The following SORCS3 variants were observed in gnomAD, a reference collection of about 807,000 sequenced individuals.
SORCS3 encodes the protein sortilin related VPS10 domain containing receptor 3, also known as VPS10 domain-containing receptor SorCS3.
In SORCS3, 57 loss-of-function variants were observed where a neutral mutation model predicts 146.3. The observed-to-expected ratio is 0.39, with a 90% CI of 0.31 to 0.49. The LOEUF (loss-of-function observed/expected upper bound fraction) is 0.49. Ranked by LOEUF, SORCS3 falls within the 20% of genes least tolerant of loss-of-function variation. The pLI is 0.92. For synonymous variants in SORCS3, 653 were observed against 618.5 expected, an observed-to-expected ratio of 1.06 and a Z score of -0.83; for missense variants, 1,341 against 1,575.5, an observed-to-expected ratio of 0.85 and a Z score of 2.52.
chr10:104,696,641 TAA>T (rs1249804391), intron 1 of SORCS3, among the ~76,000 whole-genome samples: 1 of 57,570 alleles, frequency 1.7e-5, no homozygotes, highest in African/African-American at 6.3e-5. Flanking sequence ...ATATTATATA[TAA>T]TATATATTAT....
At chr10:104,642,094 C>T in intron 1 of SORCS3, 140 bp downstream of exon 1, 1 of 1,016,578 alleles carries the variant, frequency 9.8e-7, no homozygotes, top group Non-Finnish European at 1.4e-6. Flanking sequence ...CAGGTTTGTC[C>T]GATTCCCCCC....
intron 1 of SORCS3, among the ~76,000 whole-genome samples, chr10:104,817,394 C>A (rs1589510212): frequency 1.0e-5 from 1 of 99,992 alleles, no homozygotes; most frequent in South Asian, 5.6e-4. Context: ...TCCTCCTCCT[C>A]CTTCCCCCTC....
chr10:104,813,682 G>A (rs924730928), intron 1 of SORCS3, among the ~76,000 whole-genome samples: 3 of 152,072 alleles, frequency 2.0e-5, no homozygotes, highest in Non-Finnish European at 4.4e-5. Context: ...AGCTGATGGC[G>A]CCAAATGAGA....
chr10:104,780,632 G>T (rs1030704098), intron 1 of SORCS3, among the ~76,000 whole-genome samples: 1 of 152,220 alleles, frequency 6.6e-6, no homozygotes, highest in African/African-American at 2.4e-5. Flanking sequence ...AGCTGCTGAG[G>T]TATGAAACCA....
At chr10:105,127,759 CAAAA>C (rs2055986542) in intron 7 of SORCS3, among the ~76,000 whole-genome samples, 1 of 151,978 alleles carries the variant, frequency 6.6e-6, no homozygotes, top group Non-Finnish European at 1.5e-5. Flanking sequence ...AAGCAAGCCA[CAAAA>C]AAAGAGCCCT....
chr10:104,804,402 A>AG (rs2017659037), intron 1 of SORCS3, among the ~76,000 whole-genome samples: 1 of 152,196 alleles, frequency 6.6e-6, no homozygotes. Flanking sequence ...GCTTCATAGG[A>AG]GGGGCCCAAA....
intron 3 of SORCS3, among the ~76,000 whole-genome samples, chr10:104,975,491 T>C (rs11816193): frequency 5.2e-4 from 79 of 152,238 alleles, no homozygotes; most frequent in African/African-American, 1.8e-3. Context: ...CTGCCCAAGG[T>C]AATTTATAGA....
At chr10:105,234,834 G>A (rs1014769892) in intron 20 of SORCS3, among the ~76,000 whole-genome samples, 11 of 151,712 alleles carry the variant, frequency 7.3e-5, no homozygotes, top group Non-Finnish European at 1.5e-4. Context: ...TTCTGCACTG[G>A]TCATTGCAAC....
intron 1 of SORCS3, among the ~76,000 whole-genome samples, chr10:104,818,360 T>TCTTTCTTCCTTCCTTCCTTC: frequency 7.2e-6 from 1 of 139,832 alleles, no homozygotes; most frequent in Middle Eastern, 3.7e-3. Context: ...TCTTCTCCTT[T>TCTTTCTTCCTTCCTTCCTTC]CTTCCTTCCT....
intron 6 of SORCS3, among the ~76,000 whole-genome samples, chr10:105,101,474 C>T (rs2055784641): frequency 6.6e-6 from 1 of 152,184 alleles, no homozygotes; most frequent in African/African-American, 2.4e-5. Context: ...TTGAGTCCAG[C>T]TAAGACGGCA....
At chr10:104,956,833 G>A (rs1340238187) in intron 3 of SORCS3, among the ~76,000 whole-genome samples, 1 of 152,064 alleles carries the variant, frequency 6.6e-6, no homozygotes, top group Admixed American at 6.6e-5. Flanking sequence ...CAAAGGTGAT[G>A]AGATTCCATT....
At chr10:105,242,972 TA>T in intron 20 of SORCS3, among the ~76,000 whole-genome samples, 1 of 126,300 alleles carries the variant, frequency 7.9e-6, no homozygotes, top group Non-Finnish European at 1.6e-5. Flanking sequence ...TATTGTATGA[TA>T]TATATTATAT....
intron 3 of SORCS3, among the ~76,000 whole-genome samples, chr10:104,950,862 C>T (rs1414460448): frequency 2.0e-5 from 3 of 152,198 alleles, no homozygotes; most frequent in Non-Finnish European, 4.4e-5. Flanking sequence ...AGCTTATATA[C>T]AAATGGCTGT....
intron 4 of SORCS3, among the ~76,000 whole-genome samples, chr10:105,007,431 C>T (rs2055103159): frequency 6.6e-6 from 1 of 152,118 alleles, no homozygotes; most frequent in Admixed American, 6.6e-5. Context: ...ATTCTTATAA[C>T]AAGATACCAT....
chr10:104,686,316 C>G (rs1022283548), intron 1 of SORCS3, among the ~76,000 whole-genome samples: 4 of 151,888 alleles, frequency 2.6e-5, no homozygotes, highest in African/African-American at 9.7e-5. Flanking sequence ...AGTGGGACAA[C>G]AGGAGCAGTG....
chr10:104,755,182 G>C (rs1456600964), intron 1 of SORCS3, among the ~76,000 whole-genome samples: 1 of 152,152 alleles, frequency 6.6e-6, no homozygotes, highest in African/African-American at 2.4e-5. Context: ...TTGACTAACA[G>C]TTGAAACCTG....
chr10:104,872,965 C>T (rs11192215), intron 2 of SORCS3, among the ~76,000 whole-genome samples: 13,500 of 152,276 alleles, frequency 0.089, 784 homozygotes, highest in South Asian at 0.27. Context: ...GTATGGTTTA[C>T]AGTCATGTAC....
rs149131200 is a variant in SORCS3 at position 104,688,120 on chromosome 10, G to A, written c.627+46166G>A. The stretch of plus-strand genomic sequence containing the variant: ...AAATTCAAATTTAACTGGGTCTCCT[G>A]TACTTAGTATGGCAACCCTATTGAG... On this transcript the variant is annotated intron_variant, in intron 1 of 26. Transcript: ENST00000369701. Among the ~76,000 whole-genome samples the A allele has an allele frequency of 3.3e-3, 510 of 152,354 alleles. 9 individuals carry two copies. Among genetic ancestry groups the A allele is most frequent in the African/African-American group, 0.011 (457 of 41,584 alleles).
intron 9 of SORCS3, among the ~76,000 whole-genome samples, chr10:105,152,200 T>G (rs907228559): frequency 2.0e-5 from 3 of 152,122 alleles, no homozygotes; most frequent in African/African-American, 7.2e-5. Flanking sequence ...AACTTATAAC[T>G]CCTTACAATA....
Sources: allele counts gnomAD v4.1 joint callset (sites outside exome capture counted in the v4.1 genomes callset), GRCh38; gene constraint gnomAD v4.1.1; transcripts MANE v1.5; gene names NCBI Gene and HGNC (gene_info 2026-07-23, HGNC 2026-07-21).